The following RNF31 variants were observed in gnomAD, a reference collection of about 807,000 sequenced individuals.
RNF31 encodes the protein ring finger protein 31, also known as E3 ubiquitin-protein ligase RNF31.
A neutral mutation model predicts 133.6 loss-of-function variants in RNF31; 38 were observed. That is an observed-to-expected ratio of 0.28 (90% CI 0.22 to 0.37). The LOEUF is 0.37. Ranked by LOEUF, RNF31 falls within the 10% of genes least tolerant of loss-of-function variation. RNF31 has a pLI of 1.00. For synonymous variants in RNF31, 582 were observed against 552.3 expected (o/e 1.05, Z -0.75); for missense variants, 1,118 against 1,394.1 (o/e 0.80, Z 3.15).
In RNF31 at chr14:24,147,663, G is replaced by A; in HGVS notation, c.-36G>A. The A allele has an allele frequency of 1.5e-6, 2 of 1,378,030 alleles. No individual in the cohort carries two copies. The highest frequency in any genetic ancestry group is 1.9e-6 in the Non-Finnish European group (2 of 1,073,590). 85.4% of individuals were successfully genotyped at this position (1,378,030 alleles called of 1,614,324 possible). A position where few individuals can be genotyped will look rare whatever the true frequency, so the allele number is the denominator to read the frequency against. ...CGCGCGCTGCCCGCGCCGGGTCCTG[G>A]CGGGCGGCGAGGCTGGGGCTGACTC... On this transcript the variant is annotated 5_prime_UTR_variant, in exon 1 of 21. Coordinates refer to ENST00000324103, the MANE Select transcript of RNF31 (RefSeq NM_017999.5).
At position 24,150,851 on chromosome 14, in the gene RNF31, T is replaced by C. The variant is rs1318884690; in HGVS notation, c.1451T>C (p.Met484Thr). 6.4e-7 allele frequency: 1 copy of C among 1,569,424 alleles called. No individual in the cohort carries two copies. Among genetic ancestry groups the C allele is most frequent in the Non-Finnish European group, 8.6e-7 (1 of 1,156,598 alleles). Residue 484 changes from methionine to threonine, a missense_variant, in exon 8 of 21, where the codon ATG becomes ACG. By Grantham distance (81) the Met-to-Thr change is moderately conservative (BLOSUM62 -1). Around this residue, in one of 3 missense-constraint regions of RNF31, gnomAD observed 747 missense variants for 827.9 expected, o/e 0.90. Coordinates refer to ENST00000324103, the MANE Select transcript of RNF31 (RefSeq NM_017999.5). ...GDPEKQRQDK[M>T]REEGLQLVSM... ...CCTGAGAAGCAGCGCCAAGACAAGA[T>C]GCGGGAAGAAGGCCTCCAGCTAGTG...
chr14:24,158,499 G>C, intron 18 of RNF31: 1 of 454,778 alleles, frequency 2.2e-6, no homozygotes, highest in Non-Finnish European at 4.0e-6. Context: ...TGTTTAATGA[G>C]AAGTGCTAGT....
In RNF31 at chr14:24,148,796, T is replaced by C. The variant is rs369056177; in HGVS notation, c.556-5T>C. The C allele has an allele frequency of 9.5e-5, 153 of 1,614,178 alleles. 2 individuals carry two copies. The Middle Eastern group carries it at 3.3e-3, about 35-fold the overall frequency. ...CTTATTCATTCCCTGCCCTTTCTTTTTCAGATGCTGCAGCTTTCAGAATTT... is the reference window on the plus strand; with the variant it reads ...CTTATTCATTCCCTGCCCTTTCTTTCTCAGATGCTGCAGCTTTCAGAATTT... On this transcript the variant is annotated splice_polypyrimidine_tract_variant and splice_region_variant and intron_variant, in intron 4 of 20. Coordinates refer to ENST00000324103, the MANE Select transcript of RNF31 (RefSeq NM_017999.5).
At chr14:24,150,959 G>A (rs2038256870) in intron 8 of RNF31, 71 bp downstream of exon 8, 1 of 1,518,780 alleles carries the variant, frequency 6.6e-7, no homozygotes, top group Non-Finnish European at 8.8e-7. Context: ...GTGGTTAATA[G>A]TTTCTATGAA....
Position 24,148,297 on chromosome 14 carries a change from G to A in RNF31, c.379G>A (p.Glu127Lys), listed in dbSNP as rs1371293322. Residue 127 changes from glutamate to lysine, a missense_variant, in exon 3 of 21, where the codon GAG (glutamate) becomes AAG (lysine). Glu to Lys is a moderately conservative substitution (Grantham distance 56, BLOSUM62 1). Transcript: ENST00000324103. ...DVLRLYGYTE[E>K]QPDGLSFPEG... The stretch of plus-strand genomic sequence containing the variant: ...GCTGCGATTATATGGCTACACAGAG[G>A]AGCAACCAGATGGGTTGAGCTTCCC... 5.0e-6 allele frequency: 8 copies of A among 1,614,092 alleles called. No homozygotes were observed. Among genetic ancestry groups the A allele is most frequent in the Non-Finnish European group, 6.8e-6 (8 of 1,180,060 alleles).
At chr14:24,159,704 C>T (rs948892415) in intron 18 of RNF31, 160 bp from the exon 19 acceptor site, 37 of 609,844 alleles carry the variant, frequency 6.1e-5, no homozygotes, top group African/African-American at 4.9e-4. Flanking sequence ...CTGCCGTTGA[C>T]GGCACCTCTG....
chr14:24,150,574 G>A lies in RNF31; in HGVS notation c.1198-24G>A, dbSNP rs765116091. 2.5e-6 allele frequency: 4 copies of A among 1,599,342 alleles called. No individual in the cohort carries two copies. In the Admixed American group the frequency reaches 6.7e-5, roughly 27 times the overall value. ...GTGAACTTCAGCCAGCCAGTCAAAG[G>A]GATAATTCTCTCTGCCTTCCCAGCA... On this transcript the variant is annotated intron_variant, in intron 7 of 20. Coordinates refer to ENST00000324103, the MANE Select transcript of RNF31 (RefSeq NM_017999.5).
chr14:24,149,350 A>G, intron 5 of RNF31, 56 bp from the exon 6 acceptor site: 3 of 1,545,638 alleles, frequency 1.9e-6, no homozygotes, highest in African/African-American at 2.7e-5. Flanking sequence ...TCCACAGCAG[A>G]TTCAGATGTA....
At position 24,152,002 on chromosome 14, in the gene RNF31, TC is replaced by T. The variant is rs752299261; in HGVS notation, c.2130+14del. On this transcript the variant is annotated intron_variant, in intron 11 of 20. Coordinates refer to ENST00000324103, the MANE Select transcript of RNF31 (RefSeq NM_017999.5). Reference sequence around the variant, plus strand: ...CCTGCCCCACAACCGGGTAAGTCCCTCCCCACGATACCTGGTCCAAGAATTA... The same window carrying T: ...CCTGCCCCACAACCGGGTAAGTCCCTCCCACGATACCTGGTCCAAGAATTA... The T allele has an allele frequency of 6.2e-7, 1 of 1,612,460 alleles. No homozygotes were observed. Among genetic ancestry groups the T allele is most frequent in the Admixed American group, 1.7e-5 (1 of 59,870 alleles).
In RNF31 at chr14:24,155,347, A is replaced by G. The variant is rs377290588; in HGVS notation, c.2304+17A>G. 2.5e-6 allele frequency: 4 copies of G among 1,613,976 alleles called. No individual in the cohort carries two copies. Among genetic ancestry groups the G allele is most frequent in the Non-Finnish European group, 3.4e-6 (4 of 1,179,998 alleles). ...GACATCCAGGTACTGCAGCCCCTCT[A>G]GGACTCAGGTACCCTGAGCTTTGAA... On this transcript the variant is annotated intron_variant, in intron 12 of 20. Transcript: ENST00000324103. The surrounding 1 kb of genome is among the most constrained non-coding windows in gnomAD (Gnocchi z 4.9).
At chr14:24,157,208 C>T in intron 14 of RNF31, 82 bp from the exon 15 acceptor site, 1 of 1,028,190 alleles carries the variant, frequency 9.7e-7, no homozygotes, top group Middle Eastern at 2.2e-4. Flanking sequence ...TGGGGAACCA[C>T]TGGATGTGAG....
chr14:24,148,454 G>A (rs777517460), intron 3 of RNF31, 41 bp downstream of exon 3: 1 of 1,613,310 alleles, frequency 6.2e-7, no homozygotes, highest in Non-Finnish European at 8.5e-7. Flanking sequence ...ATGCACCAGG[G>A]CTGGGGAGCC....
intron 16 of RNF31, 76 bp from the exon 17 acceptor site, chr14:24,157,822 C>T: frequency 7.8e-7 from 1 of 1,274,320 alleles, no homozygotes; most frequent in African/African-American, 1.5e-5. Context: ...CCCTTACACC[C>T]CTCACGCAGG....
intron 16 of RNF31, 68 bp from the exon 17 acceptor site, chr14:24,157,830 A>G (rs2038369047): frequency 2.2e-6 from 3 of 1,353,562 alleles, no homozygotes; most frequent in Non-Finnish European, 3.2e-6. Context: ...CCCCTCACGC[A>G]GGGGTTCCTG....
rs554524874 is a variant in RNF31, at chr14:24,151,516, C to T, written c.1769C>T (p.Pro590Leu). 1 of 1,614,236 alleles carries T rather than the reference C, an allele frequency of 6.2e-7. No individual in the cohort carries two copies. Among genetic ancestry groups the T allele is most frequent in the Non-Finnish European group, 8.5e-7 (1 of 1,180,030 alleles). The part of the protein sequence containing the change: ...VQELQSLGFG[P>L]EEGSLQALFQ... ...GAGCTCCAGTCTCTAGGCTTTGGGC[C>T]TGAGGAGGGGTCTCTCCAGGCATTG... Residue 590 changes from proline to leucine, a missense_variant, in exon 10 of 21, where the codon CCT becomes CTT. Transcript: ENST00000324103. The surrounding 1 kb of genome is among the most constrained non-coding windows in gnomAD (Gnocchi z 5.3).
intron 11 of RNF31, among the ~76,000 whole-genome samples, chr14:24,153,115 TG>T (rs1380744055): frequency 1.7e-4 from 25 of 150,738 alleles, no homozygotes; most frequent in African/African-American, 6.1e-4. Context: ...TTCATTTTTG[TG>T]TGTGTGTGTG....
chr14:24,158,302 C>T (rs575429897), intron 18 of RNF31, 103 bp downstream of exon 18: 3 of 1,116,606 alleles, frequency 2.7e-6, no homozygotes, highest in East Asian at 2.4e-5. Flanking sequence ...TTGTTGCATG[C>T]CCTTTGGCAA....
In RNF31 at chr14:24,148,423, T is replaced by A. The variant is rs745319486; in HGVS notation, c.495+10T>A. The A allele has an allele frequency of 5.6e-6, 9 of 1,613,844 alleles. No homozygotes were observed. In the African/African-American group the frequency reaches 1.1e-4, roughly 19 times the overall value. ...CAGCCTGCTATTGCAGGTGAGATGCTCCTCTAGTCTTGATGGACTTATGCA... is the reference window on the plus strand; with the variant it reads ...CAGCCTGCTATTGCAGGTGAGATGCACCTCTAGTCTTGATGGACTTATGCA... On this transcript the variant is annotated intron_variant, in intron 3 of 20. Transcript: ENST00000324103.
Position 24,155,727 on chromosome 14 carries a change from GAGCTACTGCC to G in RNF31, c.2493+38_2493+47del. On this transcript the variant is annotated intron_variant, in intron 14 of 20. Coordinates refer to ENST00000324103, the MANE Select transcript of RNF31 (RefSeq NM_017999.5). This position sits in a 1 kb window ranked among gnomAD's most constrained non-coding sequence, Gnocchi z 4.9. ...ATTCATCCTTTCAGAAATACTTGCT[GAGCTACTGCC>G]AGGTACTGTGTTAGACTCAGGGGAG... 6.3e-7 allele frequency: 1 copy of G among 1,575,198 alleles called. No individual in the cohort carries two copies. The highest frequency in any genetic ancestry group is 8.7e-7 in the Non-Finnish European group (1 of 1,145,786).
Sources: gnomAD v4.1 joint callset for allele counts (sites outside exome capture counted in the v4.1 genomes callset) on GRCh38, gnomAD v4.1.1 for gene constraint, gnomAD v4.1.1 regional missense constraint, Gnocchi (gnomAD v3.1) non-coding constraint, MANE v1.5 for transcripts, NCBI Gene and HGNC (gene_info 2026-07-23, HGNC 2026-07-21) for gene names.